Variants in HEATR4 observed in about 807,000 individuals in gnomAD.
The protein encoded by HEATR4 is HEAT repeat containing 4.
In HEATR4, 95 loss-of-function variants were observed where a neutral mutation model predicts 108.8. The ratio of observed to expected loss-of-function variants is 0.87; its 90% CI spans 0.74 to 1.04. The LOEUF (loss-of-function observed/expected upper bound fraction) is 1.04. Among genes scored for constraint, HEATR4 ranks in the 50% least tolerant of loss-of-function variants. The pLI is 0.00. For synonymous variants in HEATR4, 443 were observed against 459.4 expected (o/e 0.96, Z 0.46); for missense variants, 1,152 against 1,253.8 (o/e 0.92, Z 1.23).
the HEATR4 span, among the ~76,000 whole-genome samples, chr14:73,590,864 G>A: frequency 1.3e-5 from 2 of 152,308 alleles, no homozygotes; most frequent in African/African-American, 4.8e-5. Flanking sequence ...GCCTTGGCCA[G>A]CCCAGAAAGG....
At chr14:73,496,876 T>C (rs537800040) in intron 14 of HEATR4, among the ~76,000 whole-genome samples, 197 bp from the exon 15 acceptor site, 2 of 152,216 alleles carry the variant, frequency 1.3e-5, no homozygotes, top group East Asian at 3.9e-4. Flanking sequence ...GACAATATAT[T>C]TGTGGGTTTT....
At chr14:73,569,532 G>T in the HEATR4 span, 1 of 1,606,218 alleles carries the variant, frequency 6.2e-7, no homozygotes, top group South Asian at 1.1e-5. Flanking sequence ...CACGCTGCGC[G>T]CGTCCCTGCG....
chr14:73,534,287 G>A lies in HEATR4; in HGVS notation c.-151-4043C>T. Among the ~76,000 whole-genome samples the A allele has an allele frequency of 1.8e-5, 2 of 110,380 alleles. 1 individual carries two copies. Among genetic ancestry groups the A allele is most frequent in the Non-Finnish European group, 3.9e-5 (2 of 51,312 alleles). 72.4% of individuals were successfully genotyped at this position (110,380 alleles called of 152,430 possible). ...CCAGCTACTCAAGAGGCTGAGGCAGGTGAATCACTGGAACCCGGGAGCCAG... is the reference window on the plus strand; with the variant it reads ...CCAGCTACTCAAGAGGCTGAGGCAGATGAATCACTGGAACCCGGGAGCCAG... On this transcript the variant is annotated intron_variant, in intron 1 of 17. Coordinates refer to ENST00000553558, the MANE Select transcript of HEATR4 (RefSeq NM_001220484.1).
At chr14:73,578,519 G>C in the HEATR4 span, among the ~76,000 whole-genome samples, 2 of 151,980 alleles carry the variant, frequency 1.3e-5, no homozygotes, top group Non-Finnish European at 2.9e-5. Context: ...ATGAGCAACC[G>C]GGCCCAGCCT....
Position 73,522,757 on chromosome 14 carries a change from G to A in HEATR4, c.396C>T (p.Thr132=), listed in dbSNP as rs748812644. Residue 132 remains threonine, a synonymous_variant, in exon 3 of 18, where the codon ACC becomes ACT. Coordinates refer to ENST00000553558, the MANE Select transcript of HEATR4 (RefSeq NM_001220484.1). The part of the protein sequence containing the change: ...LGSSSPLTGD[T]SLAVKTESSA... The stretch of plus-strand genomic sequence containing the variant: ...AGCTTTCTGTCTTCACAGCCAGGGA[G>A]GTGTCTCCTGTTAAGGGACTTGAGG... The A allele has an allele frequency of 1.9e-6, 3 of 1,614,220 alleles. No homozygotes were observed. Among genetic ancestry groups the A allele is most frequent in the Non-Finnish European group, 2.5e-6 (3 of 1,180,038 alleles).
Position 73,492,477 on chromosome 14 carries a change from G to T in HEATR4, c.2844+589C>A, listed in dbSNP as rs754613395. On this transcript the variant is annotated intron_variant, in intron 17 of 17. Coordinates refer to ENST00000553558, the MANE Select transcript of HEATR4 (RefSeq NM_001220484.1). The surrounding 1 kb of genome is among the most constrained non-coding windows in gnomAD (Gnocchi z 4.9). ...GAGAAGGTGCGGGTCTTGGTTGCCC[G>T]CCTGGGACACTTTGCTCCTGTTGAT... The T allele has an allele frequency of 6.2e-6, 10 of 1,613,662 alleles. No individual in the cohort carries two copies. Among genetic ancestry groups the T allele is most frequent in the Non-Finnish European group, 8.5e-6 (10 of 1,179,750 alleles).
At chr14:73,509,851 TA>T (rs1162904803) in intron 7 of HEATR4, among the ~76,000 whole-genome samples, 3 of 83,938 alleles carry the variant, frequency 3.6e-5, no homozygotes, top group South Asian at 3.4e-4. Flanking sequence ...TATATATATA[TA>T]TATATATATA....
chr14:73,541,576 A>C, intron 1 of HEATR4: 1 of 1,243,562 alleles, frequency 8.0e-7, no homozygotes, highest in Non-Finnish European at 1.1e-6. Context: ...GCTGGCTGGG[A>C]AGGGTTTTGC....
At chr14:73,619,881 T>A in the HEATR4 span, 10 of 1,515,356 alleles carry the variant, frequency 6.6e-6, no homozygotes, top group Non-Finnish European at 8.8e-6. Flanking sequence ...AAAATCCTAT[T>A]CATACAACTT....
In HEATR4 at chr14:73,537,840, G is replaced by A; in HGVS notation, c.-151-7596C>T. 2 of 1,208,228 alleles carry A rather than the reference G, an allele frequency of 1.7e-6. 1 individual carries two copies. The highest frequency in any genetic ancestry group is 2.2e-6 in the Non-Finnish European group (2 of 922,594). The allele number at this position is 1,208,228 out of a possible 1,614,324, so 74.8% of individuals were successfully genotyped here. A position where few individuals can be genotyped will look rare whatever the true frequency, so the allele number is the denominator to read the frequency against. On this transcript the variant is annotated intron_variant, in intron 1 of 17. Transcript: ENST00000553558. ...CCCGGGGTGCGGCGCGAGCCGGTGC[G>A]CGCGGGCCGGGTGCGAGGCACGCTC...
chr14:73,619,886 C>T, the HEATR4 span: 1 of 1,472,958 alleles, frequency 6.8e-7, no homozygotes, highest in African/African-American at 1.4e-5. Flanking sequence ...CCTATTCATA[C>T]AACTTGTGTT....
rs1423252195 is a variant in HEATR4, at chr14:73,491,497, G to T, written c.2844+1569C>A. The stretch of plus-strand genomic sequence containing the variant: ...CGCAACACTTAGCGGCCGTCCAGTC[G>T]TCCGGGGCCCCTGCGACGGCGTCGG... On this transcript the variant is annotated intron_variant, in intron 17 of 17. Coordinates refer to ENST00000553558, the MANE Select transcript of HEATR4 (RefSeq NM_001220484.1). 5 of 1,509,388 alleles carry T rather than the reference G, an allele frequency of 3.3e-6. No individual in the cohort carries two copies. The East Asian group carries it at 1.2e-4, about 37-fold the overall frequency. The allele number at this position is 1,509,388 out of a possible 1,614,324, so 93.5% of individuals were successfully genotyped here.
chr14:73,561,865 G>A (rs1377936672), upstream of HEATR4, among the ~76,000 whole-genome samples: 2 of 152,046 alleles, frequency 1.3e-5, no homozygotes, highest in African/African-American at 4.8e-5. Flanking sequence ...CGTGCTTGTC[G>A]TCCCAGCTAC....
intron 15 of HEATR4, 124 bp from the exon 16 acceptor site, chr14:73,495,511 A>AGT: frequency 1.3e-6 from 1 of 741,636 alleles, no homozygotes; most frequent in East Asian, 2.8e-5. Context: ...TGAGCCCAAC[A>AGT]GTTCAAGGCT....
At chr14:73,504,916 C>G (rs529142999) in intron 10 of HEATR4, among the ~76,000 whole-genome samples, 82 of 152,202 alleles carry the variant, frequency 5.4e-4, no homozygotes, top group Non-Finnish European at 1.1e-3. Flanking sequence ...CTGAGCCCCA[C>G]CATCTTCACC....
At chr14:73,626,330 C>A in the HEATR4 span, among the ~76,000 whole-genome samples, 6 of 152,192 alleles carry the variant, frequency 3.9e-5, no homozygotes, top group South Asian at 1.2e-3. Context: ...TTGTGTTGGG[C>A]CACATTCAAA....
chr14:73,570,644 C>T, the HEATR4 span, among the ~76,000 whole-genome samples: 6 of 152,116 alleles, frequency 3.9e-5, no homozygotes, highest in East Asian at 1.9e-4. Context: ...GTGGCTAACG[C>T]CTGTAATCCT....
chr14:73,524,310 A>AAAAAAAAAAAAAATATATATATATAT, intron 2 of HEATR4, among the ~76,000 whole-genome samples: 1 of 54,774 alleles, frequency 1.8e-5, no homozygotes, highest in African/African-American at 8.8e-5. Context: ...AAAAAAAAAA[A>AAAAAAAAAAAAAATATATATATATAT]ATATATATAT....
chr14:73,517,599 G>A (rs1281392374), intron 5 of HEATR4: 2 of 148,484 alleles, frequency 1.3e-5, no homozygotes, highest in Non-Finnish European at 3.0e-5. Flanking sequence ...GCTCAGGAAG[G>A]TAAAGGCTGC....
Sources: allele counts gnomAD v4.1 joint callset (sites outside exome capture counted in the v4.1 genomes callset), GRCh38; gene constraint gnomAD v4.1.1; non-coding constraint Gnocchi (gnomAD v3.1); transcripts MANE v1.5; gene names NCBI Gene and HGNC (gene_info 2026-07-23, HGNC 2026-07-21).